The following NOTCH2NLC variants were observed in gnomAD, a reference collection of about 807,000 sequenced individuals.
NOTCH2NLC encodes the protein notch 2 N-terminal like C, also known as notch homolog 2 N-terminal-like protein C.
In NOTCH2NLC, 4 loss-of-function variants were observed where a neutral mutation model predicts 17.7. The observed-to-expected ratio is 0.23, with a 90% CI of 0.11 to 0.52. The LOEUF is 0.52. Among genes scored for constraint, NOTCH2NLC ranks in the 20% least tolerant of loss-of-function variants. The pLI is 0.96. For missense variants in NOTCH2NLC, 57 were observed against 207.2 expected, an observed-to-expected ratio of 0.28 and a Z score of 4.45; for synonymous variants, 18 against 86.0, an observed-to-expected ratio of 0.21 and a Z score of 4.38.
intron 1 of NOTCH2NLC, among the ~76,000 whole-genome samples, chr1:149,429,636 G>A (rs1157735292): frequency 2.6e-5 from 4 of 151,308 alleles, no homozygotes; most frequent in Admixed American, 2.6e-4. Context: ...TGCATTTTCT[G>A]TAAACATGTT....
rs2084683352 is a variant in NOTCH2NLC at position 149,466,277 on chromosome 1, G to GTGTGTATATATATATATATATATATATA, written c.*2125_*2126insGTGTATATATATATATATATATATATAT. 2 of 142,464 alleles carry GTGTGTATATATATATATATATATATATA rather than the reference G, an allele frequency of 1.4e-5. No homozygotes were observed. The highest frequency in any genetic ancestry group is 5.3e-5 in the African/African-American group (2 of 37,832). 8.8% of individuals were successfully genotyped at this position (142,464 alleles called of 1,614,324 possible). On this transcript the variant is annotated 3_prime_UTR_variant, in exon 5 of 5. Transcript: ENST00000650865. ...GTGTGTGTGTGTGTGTGTGTGTGTGGTATATATATATATATCGCATTGTGC... is the reference window on the plus strand; with the variant it reads ...GTGTGTGTGTGTGTGTGTGTGTGTGGTGTGTATATATATATATATATATATATATATATATATATATATCGCATTGTGC...
chr1:149,421,407 G>A (rs2084378528), intron 1 of NOTCH2NLC, among the ~76,000 whole-genome samples: 4 of 147,920 alleles, frequency 2.7e-5, no homozygotes, highest in South Asian at 2.1e-4. Flanking sequence ...GCTGAGGCAG[G>A]AGAATGGCGT....
chr1:149,394,872 A>G (rs1453703953), intron 1 of NOTCH2NLC, among the ~76,000 whole-genome samples: 2 of 150,592 alleles, frequency 1.3e-5, no homozygotes, highest in South Asian at 2.1e-4. Flanking sequence ...TCAGCCTACC[A>G]TATGTGTAGT....
intron 2 of NOTCH2NLC, among the ~76,000 whole-genome samples, chr1:149,441,054 G>A (rs2084516502): frequency 6.7e-6 from 1 of 150,370 alleles, no homozygotes; most frequent in South Asian, 2.1e-4. Context: ...GAGGCGGTAG[G>A]CTTGTGGCCA....
intron 1 of NOTCH2NLC, among the ~76,000 whole-genome samples, chr1:149,405,286 CT>C (rs2084262350): frequency 7.0e-6 from 1 of 142,004 alleles, no homozygotes. Context: ...CAAGTCATGC[CT>C]CCTTGTTAAT....
intron 1 of NOTCH2NLC, among the ~76,000 whole-genome samples, chr1:149,419,855 A>ATATATATTTTTTT (rs1468150839): frequency 2.6e-5 from 2 of 78,204 alleles, no homozygotes; most frequent in Non-Finnish European, 2.3e-5. Flanking sequence ...ATATATATAT[A>ATATATATTTTTTT]TTTTTTTTTT....
At chr1:149,415,682 A>G (rs2084331380) in intron 1 of NOTCH2NLC, among the ~76,000 whole-genome samples, 1 of 140,652 alleles carries the variant, frequency 7.1e-6, no homozygotes, top group East Asian at 2.3e-4. Context: ...ATTTTAACAT[A>G]AGAAGGACAG....
rs1313747809 is a variant in NOTCH2NLC at position 149,390,708 on chromosome 1, A to C, written c.-80A>C. ...CGAGGCATTTGCGCCTGTGCTTCGG[A>C]CCGTAGCGCCAGGGCCTGAGCCTTT... is the stretch of plus-strand genomic sequence containing the variant. On this transcript the variant is annotated 5_prime_UTR_variant, in exon 1 of 5. Transcript: ENST00000650865. The C allele has an allele frequency of 5.5e-5, 68 of 1,237,506 alleles. 4 individuals carry two copies. Among genetic ancestry groups the C allele is most frequent in the East Asian group, 3.0e-4 (8 of 26,486 alleles). The allele number at this position is 1,237,506 out of a possible 1,614,324, so 76.7% of individuals were successfully genotyped here.
intron 2 of NOTCH2NLC, among the ~76,000 whole-genome samples, chr1:149,434,030 G>A (rs1371781822): frequency 7.0e-6 from 1 of 142,408 alleles, no homozygotes; most frequent in African/African-American, 2.6e-5. Flanking sequence ...GAATGCTTAT[G>A]GATACAGTTC....
chr1:149,393,166 A>G (rs1291168513), intron 1 of NOTCH2NLC, among the ~76,000 whole-genome samples: 1 of 150,056 alleles, frequency 6.7e-6, no homozygotes, highest in Non-Finnish European at 1.5e-5. Flanking sequence ...ATCTCAGTGC[A>G]TAAAACTATG....
At position 149,413,603 on chromosome 1, in the gene NOTCH2NLC, G is replaced by A. The variant is rs1480245702; in HGVS notation, c.136-17339G>A. ...GAACTCAGCTGTTTTGAGTGAGAAG[G>A]GGCATCCTACCAGTGTGAGTTAACA... is the stretch of plus-strand genomic sequence containing the variant. On this transcript the variant is annotated intron_variant, in intron 1 of 4. Transcript: ENST00000650865. 4.6e-5 allele frequency among the ~76,000 whole-genome samples: 7 copies of A among 150,780 alleles called. 1 individual carries two copies. The highest frequency in any genetic ancestry group is 8.9e-5 in the Non-Finnish European group (6 of 67,458).
chr1:149,440,203 AAGTT>A (rs2084508613), intron 2 of NOTCH2NLC, among the ~76,000 whole-genome samples: 1 of 149,666 alleles, frequency 6.7e-6, no homozygotes, highest in East Asian at 2.0e-4. Flanking sequence ...TGAACACTGA[AAGTT>A]AGATGGACTC....
rs1442168095 is a variant in NOTCH2NLC, at chr1:149,398,829, C to G, written c.135+7907C>G. ...GTCAGTTCCTTCTGCAGGATACTGG[C>G]AGCTGGCAGAACTCTGGGTTATTTG... On this transcript the variant is annotated intron_variant, in intron 1 of 4. Transcript: ENST00000650865. 1.3e-4 allele frequency among the ~76,000 whole-genome samples: 19 copies of G among 151,724 alleles called. 1 individual carries two copies. Among genetic ancestry groups the G allele is most frequent in the African/African-American group, 3.9e-4 (16 of 41,298 alleles).
At position 149,390,701 on chromosome 1, in the gene NOTCH2NLC, G is replaced by T. The variant is rs1343910468; in HGVS notation, c.-87G>T. ...GGGGAGTCGAGGCATTTGCGCCTGT[G>T]CTTCGGACCGTAGCGCCAGGGCCTG... On this transcript the variant is annotated 5_prime_UTR_variant, in exon 1 of 5. Coordinates refer to ENST00000650865, the MANE Select transcript of NOTCH2NLC (RefSeq NM_001364013.2). 5.6e-6 allele frequency: 7 copies of T among 1,246,752 alleles called. No individual in the cohort carries two copies. Among genetic ancestry groups the T allele is most frequent in the South Asian group, 2.2e-5 (1 of 45,856 alleles). 77.2% of individuals were successfully genotyped at this position (1,246,752 alleles called of 1,614,324 possible).
intron 2 of NOTCH2NLC, among the ~76,000 whole-genome samples, chr1:149,432,320 T>G (rs1345096201): frequency 6.6e-6 from 1 of 151,018 alleles, no homozygotes; most frequent in Non-Finnish European, 1.5e-5. Flanking sequence ...TCAGAAATAA[T>G]TTTCTTCACT....
At chr1:149,457,692 A>G (rs1238128505) in intron 3 of NOTCH2NLC, among the ~76,000 whole-genome samples, 3 of 147,228 alleles carry the variant, frequency 2.0e-5, no homozygotes, top group African/African-American at 7.5e-5. Flanking sequence ...GGCAGGAAAC[A>G]TCCAGCACGG....
rs1312270082 is a variant in NOTCH2NLC at position 149,469,931 on chromosome 1, A to AATTTGG, written c.*5779_*5784dup. Among the ~76,000 whole-genome samples the AATTTGG allele has an allele frequency of 1.5e-4, 23 of 151,250 alleles. No homozygotes were observed. Among genetic ancestry groups the AATTTGG allele is most frequent in the African/African-American group, 4.8e-4 (20 of 41,296 alleles). Reference sequence around the variant, plus strand: ...CTTTGGGTAGACTGTTTCTTACAGGAATTTGGTAGATCTTTCCAAAGAGAA... The same window carrying AATTTGG: ...CTTTGGGTAGACTGTTTCTTACAGGAATTTGGATTTGGTAGATCTTTCCAAAGAGAA... On this transcript the variant is annotated 3_prime_UTR_variant, in exon 5 of 5. Transcript: ENST00000650865.
rs1455958363 is a variant in NOTCH2NLC, at chr1:149,467,428, C to T, written c.*3275C>T. On this transcript the variant is annotated 3_prime_UTR_variant, in exon 5 of 5. Transcript: ENST00000650865. ...GGGAATTAAAACTACAAAAATGACG[C>T]GTCTTGTATGACACAGAAAGAAATG... 3 of 145,122 alleles carry T rather than the reference C, an allele frequency of 2.1e-5. 1 individual carries two copies. The highest frequency in any genetic ancestry group is 5.1e-5 in the African/African-American group (2 of 39,596). 9.0% of individuals were successfully genotyped at this position (145,122 alleles called of 1,614,324 possible).
rs1187047889 is a variant in NOTCH2NLC, at chr1:149,464,535, A to ACCCAAAG, written c.*383_*389dup. ...ACAAGTGTTCTAGAGTGCACACACA[A>ACCCAAAG]CCCAAAGATAGAAATAAAAAGAGGA... On this transcript the variant is annotated 3_prime_UTR_variant, in exon 5 of 5. Coordinates refer to ENST00000650865, the MANE Select transcript of NOTCH2NLC (RefSeq NM_001364013.2). 4 of 176,674 alleles carry ACCCAAAG rather than the reference A, an allele frequency of 2.3e-5. No individual in the cohort carries two copies. The highest frequency in any genetic ancestry group is 5.6e-5 in the Admixed American group (1 of 17,828). The allele number at this position is 176,674 out of a possible 1,614,324, so 10.9% of individuals were successfully genotyped here.
Sources: gnomAD v4.1 joint callset for allele counts (sites outside exome capture counted in the v4.1 genomes callset) on GRCh38, gnomAD v4.1.1 for gene constraint, MANE v1.5 for transcripts, NCBI Gene and HGNC (gene_info 2026-07-23, HGNC 2026-07-21) for gene names.